The following NOL10 variants were observed in gnomAD, a reference collection of about 807,000 sequenced individuals.
The protein encoded by NOL10 is H_NH0074G24.1.
Under a neutral mutation model 103.5 loss-of-function variants are expected in NOL10, and 58 were observed. The ratio of observed to expected loss-of-function variants is 0.56; its 90% confidence interval spans 0.45 to 0.70. The LOEUF is 0.70. NOL10 is among the 30% of genes least tolerant of loss of function. The pLI is 0.00. For missense variants in NOL10, 763 were observed against 807.3 expected (o/e 0.95, Z 0.67); for synonymous variants, 287 against 282.5 (o/e 1.02, Z -0.16).
chr2:10,634,388 G>A (rs1678050339), intron 13 of NOL10, among the ~76,000 whole-genome samples: 1 of 152,210 alleles, frequency 6.6e-6, no homozygotes. Context: ...ACAGCCGAGT[G>A]AGCAACAACA....
At chr2:10,589,830 T>C (rs1449881152) in intron 17 of NOL10, 79 bp from the exon 18 acceptor site, 2 of 841,302 alleles carry the variant, frequency 2.4e-6, no homozygotes, top group Admixed American at 3.4e-5. Context: ...TTTAAAACAC[T>C]GATTCTATTA....
At chr2:10,646,200 C>G (rs1176645375) in intron 12 of NOL10, among the ~76,000 whole-genome samples, 1 of 152,154 alleles carries the variant, frequency 6.6e-6, no homozygotes, top group East Asian at 1.9e-4. Flanking sequence ...GCTGAAAGAT[C>G]TCCAGGAGCC....
In NOL10 at chr2:10,585,970, C is replaced by T. The variant is rs112420226; in HGVS notation, c.1844+3073G>A. On this transcript the variant is annotated intron_variant, in intron 19 of 20. Transcript: ENST00000381685. ...GACTACACCGATAGATGCTACAACA[C>T]GGATGAACATTAAAGACACTGTGCT... is the stretch of plus-strand genomic sequence containing the variant. Among the ~76,000 whole-genome samples, 1,158 of 152,278 alleles carry T rather than the reference C, an allele frequency of 7.6e-3. 14 individuals are homozygous for T. Among genetic ancestry groups the T allele is most frequent in the African/African-American group, 0.026 (1,089 of 41,544 alleles).
At chr2:10,626,255 A>G (rs1049282361) in intron 13 of NOL10, among the ~76,000 whole-genome samples, 19 of 152,322 alleles carry the variant, frequency 1.2e-4, no homozygotes, top group African/African-American at 3.6e-4. Context: ...CATGGAGTCA[A>G]TGAAAGCCTA....
chr2:10,688,620 C>T (rs1269922774), intron 1 of NOL10, among the ~76,000 whole-genome samples: 3 of 152,238 alleles, frequency 2.0e-5, no homozygotes. Flanking sequence ...AAACAGCTCT[C>T]TTCTAATCAT....
At chr2:10,576,699 AG>A (rs1178259239) in intron 20 of NOL10, among the ~76,000 whole-genome samples, 2 of 152,212 alleles carry the variant, frequency 1.3e-5, no homozygotes, top group Non-Finnish European at 1.5e-5. Flanking sequence ...AGTGGTTGCC[AG>A]GGGCTGGCGG....
intron 13 of NOL10, among the ~76,000 whole-genome samples, chr2:10,628,977 A>G (rs1300774926): frequency 6.6e-6 from 1 of 152,134 alleles, no homozygotes; most frequent in Non-Finnish European, 1.5e-5. Context: ...TCGGTTGAGA[A>G]AGGCCCTCTC....
chr2:10,656,362 G>C (rs1679841314), intron 11 of NOL10, among the ~76,000 whole-genome samples: 1 of 152,124 alleles, frequency 6.6e-6, no homozygotes. Context: ...GACACTTCCT[G>C]GGCAATCATC....
At chr2:10,683,980 T>C (rs1021151982) in intron 2 of NOL10, among the ~76,000 whole-genome samples, 1 of 152,018 alleles carries the variant, frequency 6.6e-6, no homozygotes, top group Non-Finnish European at 1.5e-5. Flanking sequence ...AAAAAGTTTC[T>C]TAAGAAGGAG....
chr2:10,624,173 C>A (rs1368956156), intron 13 of NOL10, among the ~76,000 whole-genome samples: 2 of 148,364 alleles, frequency 1.3e-5, no homozygotes, highest in East Asian at 2.0e-4. Context: ...GTAGATTTTT[C>A]TTTTCTTTTT....
chr2:10,659,068 A>G, intron 10 of NOL10, 104 bp downstream of exon 10: 1 of 792,142 alleles, frequency 1.3e-6, no homozygotes, highest in Non-Finnish European at 2.1e-6. Flanking sequence ...TCTGGCTAAA[A>G]TAGTATGATC....
At chr2:10,645,282 A>T (rs1678975951) in intron 12 of NOL10, among the ~76,000 whole-genome samples, 1 of 152,224 alleles carries the variant, frequency 6.6e-6, no homozygotes, top group Admixed American at 6.5e-5. Context: ...AATTCATTTT[A>T]AAAATCTATT....
chr2:10,580,849 G>A (rs572963803), intron 19 of NOL10, among the ~76,000 whole-genome samples: 87 of 152,096 alleles, frequency 5.7e-4, no homozygotes, highest in Non-Finnish European at 1.1e-3. Flanking sequence ...ATAAAGGCAT[G>A]TGCTTCAGGA....
intron 13 of NOL10, among the ~76,000 whole-genome samples, chr2:10,635,999 C>T (rs980938899): frequency 6.6e-6 from 1 of 152,164 alleles, no homozygotes; most frequent in Admixed American, 6.5e-5. Context: ...TATTCTCATG[C>T]CTCAGCCTCC....
At chr2:10,634,426 C>A in intron 13 of NOL10, 1 of 449,192 alleles carries the variant, frequency 2.2e-6, no homozygotes. Flanking sequence ...GAGACCCTGG[C>A]AGGTGGGGTG....
rs1558270404 is a variant in NOL10, at chr2:10,587,156, T to TATACATATATAC, written c.1844+1886_1844+1887insGTATATATGTAT. Among the ~76,000 whole-genome samples, 19 of 32,316 alleles carry TATACATATATAC rather than the reference T, an allele frequency of 5.9e-4. 4 individuals carry two copies. The highest frequency in any genetic ancestry group is 2.4e-3 in the African/African-American group (15 of 6,326). The allele number at this position is 32,316 out of a possible 152,430, so 21.2% of individuals were successfully genotyped here. ...ATATATACACATATATATACATATA[T>TATACATATATAC]ACACATATATACACATATATATACA... On this transcript the variant is annotated intron_variant, in intron 19 of 20. Transcript: ENST00000381685.
chr2:10,636,223 T>C (rs2148257789), intron 13 of NOL10, among the ~76,000 whole-genome samples: 1 of 152,202 alleles, frequency 6.6e-6, no homozygotes, highest in South Asian at 2.1e-4. Context: ...TTCAAGATAC[T>C]GTCAAATCTA....
intron 2 of NOL10, among the ~76,000 whole-genome samples, 199 bp downstream of exon 2, chr2:10,684,368 C>T (rs973094490): frequency 1.3e-5 from 2 of 151,824 alleles, no homozygotes; most frequent in African/African-American, 4.8e-5. Context: ...TCTGCTCAAG[C>T]CCAGGAGTTA....
intron 17 of NOL10, among the ~76,000 whole-genome samples, chr2:10,596,398 C>A (rs1479612310): frequency 6.6e-6 from 1 of 151,986 alleles, no homozygotes; most frequent in Non-Finnish European, 1.5e-5. Flanking sequence ...TCAGCGGGAG[C>A]CTTGAGCTTG....
Sources: gnomAD v4.1 joint callset for allele counts (sites outside exome capture counted in the v4.1 genomes callset) on GRCh38, gnomAD v4.1.1 for gene constraint, MANE v1.5 for transcripts, NCBI Gene and HGNC (gene_info 2026-07-23, HGNC 2026-07-21) for gene names.